Variants in NRXN1 observed in about 807,000 individuals in gnomAD.
NRXN1 encodes neurexin 1, also known as neurexin-1.
In NRXN1, 39 loss-of-function variants were observed where a neutral mutation model predicts 150.9. The ratio of observed to expected loss-of-function variants is 0.26; its 90% confidence interval spans 0.20 to 0.34. NRXN1 has a LOEUF of 0.34. Ranked by LOEUF, NRXN1 falls within the 10% of genes least tolerant of loss-of-function variation. The pLI, the probability that NRXN1 is intolerant of heterozygous loss-of-function variation, is 1.00. For missense variants in NRXN1, 1,815 were observed against 1,949.9 expected, an observed-to-expected ratio of 0.93 and a Z score of 1.30; for synonymous variants, 924 against 757.0, an observed-to-expected ratio of 1.22 and a Z score of -3.62.
intron 19 of NRXN1, among the ~76,000 whole-genome samples, chr2:50,073,000 T>C (rs1696531499): frequency 6.6e-6 from 1 of 152,228 alleles, no homozygotes; most frequent in African/African-American, 2.4e-5. Context: ...AAAATGCTTA[T>C]GAAAAGGGAG....
chr2:50,807,838 T>C (rs1171771229), intron 5 of NRXN1, among the ~76,000 whole-genome samples: 1 of 152,164 alleles, frequency 6.6e-6, no homozygotes, highest in African/African-American at 2.4e-5. Context: ...AGGTTCTGTA[T>C]AAAAATTTTT....
At chr2:50,718,505 T>C (rs949606892) in intron 5 of NRXN1, among the ~76,000 whole-genome samples, 2 of 152,204 alleles carry the variant, frequency 1.3e-5, no homozygotes, top group Non-Finnish European at 2.9e-5. Flanking sequence ...TATCTGTTTA[T>C]ATCACACATA....
At chr2:50,418,306 A>C (rs2083705571) in intron 17 of NRXN1, among the ~76,000 whole-genome samples, 1 of 152,032 alleles carries the variant, frequency 6.6e-6, no homozygotes, top group African/African-American at 2.4e-5. Flanking sequence ...AACTATCCCA[A>C]CAAGTTTCAC....
chr2:50,936,395 G>A (rs1326073184), intron 2 of NRXN1, among the ~76,000 whole-genome samples: 1 of 152,092 alleles, frequency 6.6e-6, no homozygotes, highest in Admixed American at 6.6e-5. Flanking sequence ...TACTACTAGA[G>A]AAAACACACT....
chr2:49,957,388 T>C (rs1032070191), intron 21 of NRXN1, among the ~76,000 whole-genome samples: 7 of 152,264 alleles, frequency 4.6e-5, no homozygotes, highest in African/African-American at 1.7e-4. Context: ...GCTTTCAAAA[T>C]GAATGGCTCT....
Position 50,465,549 on chromosome 2 carries a change from G to T in NRXN1, c.3257C>A (p.Thr1086Asn). Residue 1086 changes from threonine to asparagine, a missense_variant, in exon 17 of 23, where the codon ACC (threonine) becomes AAC (asparagine). Physicochemically the swap from Thr to Asn is moderately conservative, Grantham distance 65. Around this residue, in one of 6 missense-constraint regions of NRXN1, gnomAD observed 339 missense variants for 440.3 expected, o/e 0.77. Coordinates refer to ENST00000401669, the MANE Select transcript of NRXN1 (RefSeq NM_001330078.2). ...IERGCEGPSTTCQEDSCSNQG... is the reference protein window; with the variant it reads ...IERGCEGPSTNCQEDSCSNQG... The stretch of plus-strand genomic sequence containing the variant: ...ATTGGAACATGAGTCCTCTTGGCAG[G>T]TTGTGCTGGGCCCTGCAAAACAATC... The T allele has an allele frequency of 6.2e-7, 1 of 1,608,798 alleles. No homozygotes were observed. The highest frequency in any genetic ancestry group is 8.5e-7 in the Non-Finnish European group (1 of 1,177,200).
intron 5 of NRXN1, among the ~76,000 whole-genome samples, chr2:50,765,019 T>G (rs1346201206): frequency 6.6e-6 from 1 of 152,022 alleles, no homozygotes; most frequent in African/African-American, 2.4e-5. Context: ...AACTGAACGC[T>G]TAGTACTTTC....
intron 5 of NRXN1, among the ~76,000 whole-genome samples, chr2:50,785,292 C>T (rs1295816690): frequency 6.7e-6 from 1 of 149,814 alleles, no homozygotes; most frequent in Admixed American, 6.7e-5. Flanking sequence ...TCTGTCGCCC[C>T]CGCTGGAGTG....
chr2:50,903,516 T>G (rs1350362836), intron 5 of NRXN1, among the ~76,000 whole-genome samples: 1 of 152,176 alleles, frequency 6.6e-6, no homozygotes, highest in East Asian at 1.9e-4. Context: ...TTTTGGTTTT[T>G]GTTTTTTGTA....
chr2:50,488,711 T>C (rs1573213107), intron 15 of NRXN1, among the ~76,000 whole-genome samples: 1 of 152,158 alleles, frequency 6.6e-6, no homozygotes, highest in African/African-American at 2.4e-5. Flanking sequence ...AAGACTTCTG[T>C]ATAAGTCTCC....
intron 2 of NRXN1, among the ~76,000 whole-genome samples, chr2:50,930,127 G>C (rs898373496): frequency 7.2e-5 from 11 of 152,098 alleles, no homozygotes; most frequent in African/African-American, 2.6e-4. Flanking sequence ...TAATATTGCA[G>C]GACACTCCCA....
rs565302665 is a variant in NRXN1 at position 50,607,003 on chromosome 2, G to A, written c.1320+13019C>T. On this transcript the variant is annotated intron_variant, in intron 8 of 22. Coordinates refer to ENST00000401669, the MANE Select transcript of NRXN1 (RefSeq NM_001330078.2). ...TTCTGGGTGGACAGTAGGGGTGGTG[G>A]TGGTATTTTCAGTGTTATTGTCATC... 1.2e-4 allele frequency among the ~76,000 whole-genome samples: 18 copies of A among 152,188 alleles called. No individual in the cohort carries two copies. In the South Asian group the frequency reaches 3.5e-3, roughly 30 times the overall value.
chr2:50,920,009 G>T (rs557801213), intron 5 of NRXN1: 2 of 396,462 alleles, frequency 5.0e-6, no homozygotes, highest in Non-Finnish European at 1.1e-5. Flanking sequence ...GAATTAATCT[G>T]CAATTAGAGA....
chr2:50,121,080 A>G (rs370152516), intron 18 of NRXN1, among the ~76,000 whole-genome samples: 8 of 152,338 alleles, frequency 5.3e-5, no homozygotes, highest in East Asian at 3.9e-4. Flanking sequence ...GCTGGAGTGC[A>G]GTGGCACGAT....
intron 5 of NRXN1, among the ~76,000 whole-genome samples, chr2:50,717,687 C>G (rs1696045386): frequency 1.3e-5 from 2 of 152,176 alleles, no homozygotes; most frequent in African/African-American, 4.8e-5. Context: ...ACATTTACTT[C>G]TCACAGTACA....
chr2:50,440,327 C>T (rs2104444859), intron 17 of NRXN1, among the ~76,000 whole-genome samples: 1 of 152,080 alleles, frequency 6.6e-6, no homozygotes, highest in East Asian at 1.9e-4. Flanking sequence ...AGATGGGATG[C>T]CGAGAGTATG....
chr2:50,183,643 A>G (rs971884276), intron 18 of NRXN1, among the ~76,000 whole-genome samples: 4 of 150,646 alleles, frequency 2.7e-5, no homozygotes, highest in African/African-American at 9.8e-5. Context: ...GCAATATCTA[A>G]AAGTGTTTCT....
At chr2:50,394,782 A>G (rs949539244) in intron 17 of NRXN1, among the ~76,000 whole-genome samples, 1 of 151,928 alleles carries the variant, frequency 6.6e-6, no homozygotes, top group Non-Finnish European at 1.5e-5. Context: ...CTTTTCAATA[A>G]CCTGAATGAT....
chr2:50,624,621 T>TA (rs148773545), intron 5 of NRXN1, among the ~76,000 whole-genome samples: 3,671 of 152,088 alleles, frequency 0.024, 120 homozygotes, highest in East Asian at 0.14. Flanking sequence ...GTGCATTTTT[T>TA]ATCTCTGGAT....
Sources: gnomAD v4.1 joint callset for allele counts (sites outside exome capture counted in the v4.1 genomes callset) on GRCh38, gnomAD v4.1.1 for gene constraint, gnomAD v4.1.1 regional missense constraint, MANE v1.5 for transcripts, NCBI Gene and HGNC (gene_info 2026-07-23, HGNC 2026-07-21) for gene names.